The following ROBO2 variants were observed in gnomAD, a reference collection of about 807,000 sequenced individuals.
The protein encoded by ROBO2 is roundabout guidance receptor 2, also known as roundabout homolog 2.
ROBO2 carries 53 observed loss-of-function variants against 160.8 expected under a neutral mutation model. That is an observed-to-expected ratio of 0.33 (90% confidence interval 0.26 to 0.41). The LOEUF is 0.41. Ranked by LOEUF, ROBO2 falls within the 10% of genes least tolerant of loss-of-function variation. The pLI, the probability that ROBO2 is intolerant of heterozygous loss-of-function variation, is 1.00. For missense variants in ROBO2, 1,577 were observed against 1,722.4 expected, an observed-to-expected ratio of 0.92 and a Z score of 1.49; for synonymous variants, 664 against 611.7, an observed-to-expected ratio of 1.09 and a Z score of -1.26.
At chr3:76,263,416 T>C (rs143281953) in intron 2 of ROBO2, among the ~76,000 whole-genome samples, 4 of 151,978 alleles carry the variant, frequency 2.6e-5, no homozygotes, top group Non-Finnish European at 5.9e-5. Flanking sequence ...AGGTACAGAG[T>C]CTTGCTGTGT....
chr3:76,605,770 A>G (rs2087601456), intron 2 of ROBO2, among the ~76,000 whole-genome samples: 1 of 152,128 alleles, frequency 6.6e-6, no homozygotes, highest in South Asian at 2.1e-4. Context: ...GTATTTAAGG[A>G]CTATCATATT....
chr3:76,626,447 G>T (rs1178478153), intron 2 of ROBO2, among the ~76,000 whole-genome samples: 1 of 152,112 alleles, frequency 6.6e-6, no homozygotes. Flanking sequence ...AGTAGCACCT[G>T]CCCAAATGAG....
At chr3:76,874,898 A>T (rs2072532759) in intron 2 of ROBO2, among the ~76,000 whole-genome samples, 1 of 152,172 alleles carries the variant, frequency 6.6e-6, no homozygotes, top group Non-Finnish European at 1.5e-5. Context: ...CATGGTTGAG[A>T]TATGATATAT....
chr3:77,310,652 G>T (rs1447389035), intron 2 of ROBO2, among the ~76,000 whole-genome samples: 1 of 152,006 alleles, frequency 6.6e-6, no homozygotes, highest in East Asian at 1.9e-4. Flanking sequence ...TAAATGGTAT[G>T]GTGCAAAGCT....
At chr3:76,491,073 C>T (rs1407352727) in intron 2 of ROBO2, among the ~76,000 whole-genome samples, 1 of 152,016 alleles carries the variant, frequency 6.6e-6, no homozygotes, top group African/African-American at 2.4e-5. Context: ...GATTCTCCTG[C>T]TTCAGCCTCC....
At chr3:77,071,396 C>T (rs1177647813) in intron 1 of ROBO2, among the ~76,000 whole-genome samples, 1 of 152,126 alleles carries the variant, frequency 6.6e-6, no homozygotes, top group African/African-American at 2.4e-5. Flanking sequence ...ATGTCCTTTA[C>T]GATTGTTGTA....
chr3:76,147,375 A>AC (rs2071951983), intron 2 of ROBO2, among the ~76,000 whole-genome samples: 1 of 117,000 alleles, frequency 8.5e-6, no homozygotes, highest in Admixed American at 1.0e-4. Context: ...AGGAATCAAT[A>AC]TTAATTATCT....
intron 1 of ROBO2, among the ~76,000 whole-genome samples, chr3:75,908,249 C>A (rs1359380780): frequency 6.6e-6 from 1 of 152,058 alleles, no homozygotes; most frequent in Non-Finnish European, 1.5e-5. Flanking sequence ...ATTTTATGGT[C>A]AAGAGAGCTT....
chr3:76,783,507 T>C (rs1446399878), intron 2 of ROBO2, among the ~76,000 whole-genome samples: 1 of 144,902 alleles, frequency 6.9e-6, no homozygotes, highest in African/African-American at 2.5e-5. Context: ...TGTTTGGTAG[T>C]TTCTTTCTTT....
chr3:76,459,291 A>C (rs2077955878), intron 2 of ROBO2, among the ~76,000 whole-genome samples: 2 of 151,536 alleles, frequency 1.3e-5, no homozygotes, highest in African/African-American at 4.8e-5. Flanking sequence ...ATATATAGCG[A>C]GAGAGAGAGA....
At chr3:77,598,156 A>G (rs2094348835) in intron 19 of ROBO2, among the ~76,000 whole-genome samples, 1 of 152,146 alleles carries the variant, frequency 6.6e-6, no homozygotes, top group African/African-American at 2.4e-5. Context: ...TGAGTCCACT[A>G]TAAGCCTTGA....
intron 1 of ROBO2, among the ~76,000 whole-genome samples, chr3:77,048,680 C>A (rs1346274753): frequency 6.6e-6 from 1 of 152,148 alleles, no homozygotes; most frequent in Non-Finnish European, 1.5e-5. Flanking sequence ...TCTAGATAGC[C>A]CCCTTAGCTT....
At chr3:77,615,405 A>T (rs1480671041) in intron 21 of ROBO2, among the ~76,000 whole-genome samples, 3 of 152,160 alleles carry the variant, frequency 2.0e-5, no homozygotes, top group African/African-American at 7.2e-5. Flanking sequence ...CAGTCTATGG[A>T]TTTGGACAAA....
intron 2 of ROBO2, among the ~76,000 whole-genome samples, chr3:76,646,505 G>C (rs73120438): frequency 0.03 from 4,523 of 152,210 alleles, 78 homozygotes; most frequent in Middle Eastern, 0.065. Context: ...ATTTCTGTAA[G>C]CCTTGTTCTC....
At chr3:77,477,335 G>A (rs2084132884) in intron 2 of ROBO2, 79 bp from the exon 3 acceptor site, 1 of 1,419,114 alleles carries the variant, frequency 7.0e-7, no homozygotes, top group Non-Finnish European at 1.0e-6. Flanking sequence ...AGGTAAACAA[G>A]ACTTGAAGTT....
chr3:76,635,649 G>A (rs1322290300), intron 2 of ROBO2, among the ~76,000 whole-genome samples: 1 of 152,012 alleles, frequency 6.6e-6, no homozygotes, highest in Non-Finnish European at 1.5e-5. Context: ...CATACTCTTG[G>A]CCAAGCATCA....
intron 2 of ROBO2, among the ~76,000 whole-genome samples, chr3:76,876,842 A>C (rs1455085154): frequency 6.6e-6 from 1 of 152,182 alleles, no homozygotes; most frequent in African/African-American, 2.4e-5. Context: ...AAAATTTGCT[A>C]TTTCACTGCA....
intron 2 of ROBO2, among the ~76,000 whole-genome samples, chr3:77,099,408 G>A (rs1236747686): frequency 6.6e-6 from 1 of 152,074 alleles, no homozygotes; most frequent in Admixed American, 6.5e-5. Flanking sequence ...GGAACCCCCG[G>A]ATGCTGGAAA....
chr3:76,546,982 G>T (rs1219912511), intron 2 of ROBO2, among the ~76,000 whole-genome samples: 1 of 151,874 alleles, frequency 6.6e-6, no homozygotes, highest in Non-Finnish European at 1.5e-5. Context: ...CCATATTTAA[G>T]CAATCCAGTT....
Sources: allele counts gnomAD v4.1 joint callset (sites outside exome capture counted in the v4.1 genomes callset), GRCh38; gene constraint gnomAD v4.1.1; transcripts MANE v1.5; gene names NCBI Gene and HGNC (gene_info 2026-07-23, HGNC 2026-07-21).